The following DIP2A variants were observed in gnomAD, a reference collection of about 807,000 sequenced individuals.
DIP2A encodes DIP2 acetate--CoA ligase A.
In DIP2A, 85 loss-of-function variants were observed where a neutral mutation model predicts 177.4. The ratio of observed to expected loss-of-function variants is 0.48; its 90% confidence interval spans 0.40 to 0.57. DIP2A has a LOEUF of 0.57. DIP2A is among the 20% of genes least tolerant of loss of function. The pLI is 0.00. For missense variants in DIP2A, 1,791 were observed against 2,100.2 expected, an observed-to-expected ratio of 0.85 and a Z score of 2.88; for synonymous variants, 886 against 881.8, an observed-to-expected ratio of 1.00 and a Z score of -0.08.
intron 10 of DIP2A, 38 bp downstream of exon 10, chr21:46,532,275 T>G: frequency 6.5e-7 from 1 of 1,541,370 alleles, no homozygotes; most frequent in Non-Finnish European, 8.9e-7. Flanking sequence ...GTGGTTCGCT[T>G]CTGAACTTGA....
At chr21:46,565,197 G>GAACA (rs111852957) in intron 35 of DIP2A, among the ~76,000 whole-genome samples, 19,848 of 151,432 alleles carry the variant, frequency 0.13, 1,820 homozygotes, top group African/African-American at 0.26. Context: ...ACAAACACGT[G>GAACA]GACAGGTGGA....
intron 1 of DIP2A, among the ~76,000 whole-genome samples, chr21:46,464,817 CTTTT>C (rs1168153777): frequency 0.076 from 5,540 of 72,946 alleles, 182 homozygotes; most frequent in African/African-American, 0.18. Context: ...ATATTCATGT[CTTTT>C]TTTTTTTTTT....
chr21:46,504,982 G>C (rs928119674), intron 6 of DIP2A, among the ~76,000 whole-genome samples: 1 of 152,156 alleles, frequency 6.6e-6, no homozygotes, highest in Non-Finnish European at 1.5e-5. Flanking sequence ...CTTTCATAAT[G>C]TCCTCATTTA....
intron 7 of DIP2A, among the ~76,000 whole-genome samples, chr21:46,510,514 C>T (rs1277646254): frequency 6.6e-6 from 1 of 151,964 alleles, no homozygotes; most frequent in Non-Finnish European, 1.5e-5. Context: ...AGCAGTGTTT[C>T]TTACCACTTG....
rs758530714 is a variant in DIP2A at position 46,554,606 on chromosome 21, C to T, written c.3186C>T (p.Cys1062=). ...GVDLIAAFYG[C]LYCGCVPVTV... is the part of the protein sequence containing the mutation. ...ACCTCATTGCCGCGTTCTATGGCTG[C>T]TTGTACTGTGGCTGCGTGCCTGTCA... Residue 1062 remains cysteine, a synonymous_variant, in exon 27 of 38, where the codon TGC becomes TGT. Transcript: ENST00000417564. 11 of 1,611,086 alleles carry T rather than the reference C, an allele frequency of 6.8e-6. No individual in the cohort carries two copies. The Admixed American group carries it at 1.0e-4, about 15-fold the overall frequency.
intron 1 of DIP2A, among the ~76,000 whole-genome samples, chr21:46,474,111 A>G (rs1041994256): frequency 6.6e-6 from 1 of 152,186 alleles, no homozygotes; most frequent in Non-Finnish European, 1.5e-5. Flanking sequence ...GAGGGCAATC[A>G]GAAGTAGAGC....
rs183763100 is a variant in DIP2A, at chr21:46,546,141, C to T, written c.2394+180C>T. 1.9e-3 allele frequency: 2,694 copies of T among 1,452,080 alleles called. 49 individuals are homozygous for T. In the Admixed American group the frequency reaches 0.034, roughly 18 times the overall value. The allele number at this position is 1,452,080 out of a possible 1,614,324, so 89.9% of individuals were successfully genotyped here. ...CTGTGTGCAGGGCCATCCACACCTC[C>T]GAGACTGGTGCACAGTCCTGCACAC... On this transcript the variant is annotated intron_variant, in intron 20 of 37. Transcript: ENST00000417564.
chr21:46,565,480 A>G (rs1441130168), intron 35 of DIP2A, among the ~76,000 whole-genome samples: 1 of 152,246 alleles, frequency 6.6e-6, no homozygotes, highest in Non-Finnish European at 1.5e-5. Flanking sequence ...AGTCCTACAG[A>G]TGACATTCTT....
intron 1 of DIP2A, among the ~76,000 whole-genome samples, chr21:46,483,167 T>C (rs958830247): frequency 2.0e-5 from 3 of 151,938 alleles, no homozygotes; most frequent in Non-Finnish European, 2.9e-5. Context: ...ATGGAAGGCT[T>C]AGGGAAGAAA....
At chr21:46,502,251 T>G (rs1424772127) in intron 5 of DIP2A, among the ~76,000 whole-genome samples, 1 of 151,922 alleles carries the variant, frequency 6.6e-6, no homozygotes. Flanking sequence ...TCCTTTCACC[T>G]CAGCCTCCTA....
Position 46,532,155 on chromosome 21 carries a change from C to T in DIP2A, c.1223C>T (p.Pro408Leu). 1 of 1,613,818 alleles carries T rather than the reference C, an allele frequency of 6.2e-7. No individual in the cohort carries two copies. The highest frequency in any genetic ancestry group is 8.5e-7 in the Non-Finnish European group (1 of 1,179,806). Residue 408 changes from proline to leucine, a missense_variant, in exon 10 of 38, where the codon CCT (proline) becomes CTT (leucine). Coordinates refer to ENST00000417564, the MANE Select transcript of DIP2A (RefSeq NM_015151.4). ...RVALVFPNSDPVMFMVAFYGC... is the reference protein window; with the variant it reads ...RVALVFPNSDLVMFMVAFYGC... ...GCGCTCGTGTTTCCGAATAGTGACC[C>T]TGTGATGTTCATGGTTGCATTTTAT... is the stretch of plus-strand genomic sequence containing the variant.
chr21:46,537,544 C>A lies in DIP2A; in HGVS notation c.1801+5C>A. On this transcript the variant is annotated splice_donor_5th_base_variant and intron_variant, in intron 15 of 37. Transcript: ENST00000417564. The surrounding 1 kb of genome is among the most constrained non-coding windows in gnomAD (Gnocchi z 4.1). The stretch of plus-strand genomic sequence containing the variant: ...AGAAAGTGTGCTTCTATAAAGGTAA[C>A]GGATACCATGGTCAGGGCCTTCACC... 6.2e-7 allele frequency: 1 copy of A among 1,613,908 alleles called. No homozygotes were observed. Among genetic ancestry groups the A allele is most frequent in the Non-Finnish European group, 8.5e-7 (1 of 1,179,800 alleles).
In DIP2A at chr21:46,526,364, T is replaced by TGTG. The variant is rs549750930; in HGVS notation, c.1103-2723_1103-2721dup. Among the ~76,000 whole-genome samples, 328 of 151,680 alleles carry TGTG rather than the reference T, an allele frequency of 2.2e-3. 2 individuals are homozygous for TGTG. Among genetic ancestry groups the TGTG allele is most frequent in the Non-Finnish European group, 2.3e-3 (159 of 67,918 alleles). ...ACTTAGTGTGTGTGTGTTTTAAGCT[T>TGTG]GTGGTGGATACTTTCATCAAAAACG... On this transcript the variant is annotated intron_variant, in intron 8 of 37. Coordinates refer to ENST00000417564, the MANE Select transcript of DIP2A (RefSeq NM_015151.4).
chr21:46,482,227 G>A (rs942266925), intron 1 of DIP2A, among the ~76,000 whole-genome samples: 34 of 152,204 alleles, frequency 2.2e-4, no homozygotes, highest in African/African-American at 8.0e-4. Flanking sequence ...AGCATGATAA[G>A]GGAGTACTAT....
intron 3 of DIP2A, among the ~76,000 whole-genome samples, chr21:46,495,240 T>TCTCTCTCTC (rs60545868): frequency 4.9e-3 from 231 of 47,504 alleles, no homozygotes; most frequent in East Asian, 9.0e-3. Flanking sequence ...TTCTCTTCTC[T>TCTCTCTCTC]TCTTTCTCTC....
At chr21:46,534,134 A>AT in intron 12 of DIP2A, 21 bp downstream of exon 12, 2 of 1,575,026 alleles carry the variant, frequency 1.3e-6, no homozygotes, top group Non-Finnish European at 1.7e-6. Context: ...TTCCTAACTT[A>AT]GAGAATGTAA....
intron 2 of DIP2A, among the ~76,000 whole-genome samples, chr21:46,489,127 G>A (rs1180992071): frequency 6.6e-6 from 1 of 152,142 alleles, no homozygotes; most frequent in Non-Finnish European, 1.5e-5. Context: ...GTGTGGATGT[G>A]TGTGTGGATG....
At chr21:46,541,621 G>A in intron 17 of DIP2A, 135 bp from the exon 18 acceptor site, 2 of 999,988 alleles carry the variant, frequency 2.0e-6, no homozygotes, top group Non-Finnish European at 3.0e-6. Context: ...AGCATCTTTA[G>A]AACATGCGTT....
At chr21:46,535,398 A>G (rs541605213) in intron 13 of DIP2A, among the ~76,000 whole-genome samples, 2 of 152,318 alleles carry the variant, frequency 1.3e-5, no homozygotes, top group East Asian at 3.9e-4. Flanking sequence ...ACTGAGTGAA[A>G]TTGAATGGTA....
Sources: allele counts gnomAD v4.1 joint callset (sites outside exome capture counted in the v4.1 genomes callset), GRCh38; gene constraint gnomAD v4.1.1; non-coding constraint Gnocchi (gnomAD v3.1); transcripts MANE v1.5; gene names NCBI Gene and HGNC (gene_info 2026-07-23, HGNC 2026-07-21).